The following CUL5 variants were observed in gnomAD, a reference collection of about 807,000 sequenced individuals.
CUL5 encodes cullin 5.
Under a neutral mutation model 108.8 loss-of-function variants are expected in CUL5, and 26 were observed. The observed-to-expected ratio is 0.24, with a 90% CI of 0.18 to 0.33. The LOEUF (loss-of-function observed/expected upper bound fraction) is 0.33, where lower values mean the gene tolerates loss of function less well. CUL5 is among the 10% of genes least tolerant of loss of function. The pLI is 1.00. For synonymous variants in CUL5, 334 were observed against 298.0 expected (o/e 1.12, Z -1.25); for missense variants, 524 against 909.2 (o/e 0.58, Z 5.45).
At chr11:108,030,951 C>G (rs1357554263) in intron 1 of CUL5, among the ~76,000 whole-genome samples, 1 of 152,116 alleles carries the variant, frequency 6.6e-6, no homozygotes, top group African/African-American at 2.4e-5. Flanking sequence ...AGGTTGTTGT[C>G]AGATCATATG....
intron 9 of CUL5, 93 bp downstream of exon 9, chr11:108,072,555 G>T: frequency 1.9e-6 from 2 of 1,067,590 alleles, no homozygotes; most frequent in Non-Finnish European, 2.7e-6. Flanking sequence ...ACCAGAGGCT[G>T]GGGGTTGGGG....
intron 1 of CUL5, among the ~76,000 whole-genome samples, chr11:108,032,147 T>C (rs1271083633): frequency 6.6e-6 from 1 of 152,222 alleles, no homozygotes; most frequent in Non-Finnish European, 1.5e-5. Context: ...CTGCACATCC[T>C]ACACATGTAC....
intron 7 of CUL5, among the ~76,000 whole-genome samples, chr11:108,064,883 C>T (rs1358839101): frequency 6.6e-6 from 1 of 152,098 alleles, no homozygotes; most frequent in Non-Finnish European, 1.5e-5. Flanking sequence ...GAAGTATTCC[C>T]TCCTCCTCTA....
chr11:108,083,868 G>T (rs1423902835), intron 11 of CUL5, among the ~76,000 whole-genome samples: 1 of 152,184 alleles, frequency 6.6e-6, no homozygotes, highest in African/African-American at 2.4e-5. Context: ...TGTGGAGGAG[G>T]TGATGTTCTA....
chr11:108,019,209 T>TGGGGGG (rs1406460526), intron 1 of CUL5, among the ~76,000 whole-genome samples: 1 of 10,200 alleles, frequency 9.8e-5, no homozygotes, highest in African/African-American at 3.9e-4. Flanking sequence ...GGGGTGGGGG[T>TGGGGGG]GGGGTGGGGT....
intron 7 of CUL5, among the ~76,000 whole-genome samples, chr11:108,060,626 A>C (rs112502904): frequency 0.02 from 3,103 of 152,280 alleles, 117 homozygotes; most frequent in African/African-American, 0.07. Flanking sequence ...ACCTGAGGTC[A>C]GGAGTTCAAG....
At chr11:108,053,145 A>G (rs1002097787) in intron 5 of CUL5, among the ~76,000 whole-genome samples, 10 of 152,190 alleles carry the variant, frequency 6.6e-5, no homozygotes, top group African/African-American at 2.4e-4. Flanking sequence ...TTCCATGAAA[A>G]GGAGAGCATG....
intron 11 of CUL5, among the ~76,000 whole-genome samples, chr11:108,081,862 T>C (rs1178162742): frequency 6.6e-6 from 1 of 152,262 alleles, no homozygotes; most frequent in East Asian, 1.9e-4. Flanking sequence ...TGTGATTTAC[T>C]GTAGCCTTGC....
At position 108,107,414 on chromosome 11, in the gene CUL5, G is replaced by C. The variant is rs936938516; in HGVS notation, c.*3030G>C. On this transcript the variant is annotated 3_prime_UTR_variant, in exon 19 of 19. Coordinates refer to ENST00000393094, the MANE Select transcript of CUL5 (RefSeq NM_003478.6). ...GATTTGCTATCTTAAACTCAAGCTG[G>C]TTTTTCTGTTCTCATGTAAGTGACT... 1.3e-5 allele frequency: 2 copies of C among 152,554 alleles called. No homozygotes were observed. Among genetic ancestry groups the C allele is most frequent in the African/African-American group, 4.8e-5 (2 of 41,424 alleles). 9.5% of individuals were successfully genotyped at this position (152,554 alleles called of 1,614,324 possible). A position where few individuals can be genotyped will look rare whatever the true frequency, so the allele number is the denominator to read the frequency against.
chr11:108,070,494 T>C (rs1239270388), intron 8 of CUL5, among the ~76,000 whole-genome samples: 3 of 152,180 alleles, frequency 2.0e-5, no homozygotes, highest in Non-Finnish European at 4.4e-5. Flanking sequence ...TGGAAACATA[T>C]GTTATAGATT....
intron 13 of CUL5, among the ~76,000 whole-genome samples, chr11:108,091,293 C>T (rs7106930): frequency 0.2 from 29,846 of 151,720 alleles, 3,076 homozygotes; most frequent in Non-Finnish European, 0.22. Flanking sequence ...TTAAGTGATC[C>T]GCCTGCCTCG....
chr11:108,042,036 G>A (rs1448158012), intron 2 of CUL5, among the ~76,000 whole-genome samples: 2 of 152,066 alleles, frequency 1.3e-5, no homozygotes, highest in African/African-American at 2.4e-5. Context: ...GGAGGGAAAC[G>A]TCCACATTAG....
At chr11:108,064,843 G>A (rs1863633946) in intron 7 of CUL5, among the ~76,000 whole-genome samples, 1 of 152,002 alleles carries the variant, frequency 6.6e-6, no homozygotes, top group African/African-American at 2.4e-5. Context: ...TTTGGTATTA[G>A]GGCAATACTG....
At chr11:108,020,756 G>A (rs1033502738) in intron 1 of CUL5, among the ~76,000 whole-genome samples, 1 of 152,116 alleles carries the variant, frequency 6.6e-6, no homozygotes, top group Non-Finnish European at 1.5e-5. Flanking sequence ...GGTTTTTAAA[G>A]TAAAAAAGTT....
intron 7 of CUL5, among the ~76,000 whole-genome samples, chr11:108,069,366 T>A (rs1863766692): frequency 6.6e-6 from 1 of 152,172 alleles, no homozygotes; most frequent in Non-Finnish European, 1.5e-5. Context: ...GGTTGCAGCC[T>A]ATCTTTCTAG....
chr11:108,103,584 G>A (rs1864722237), intron 18 of CUL5, among the ~76,000 whole-genome samples: 1 of 152,024 alleles, frequency 6.6e-6, no homozygotes, highest in Admixed American at 6.6e-5. Flanking sequence ...CTGAATACAA[G>A]GGAAAAATTT....
chr11:108,061,336 C>G (rs1471358863), intron 7 of CUL5, among the ~76,000 whole-genome samples: 3 of 152,128 alleles, frequency 2.0e-5, no homozygotes, highest in African/African-American at 7.2e-5. Context: ...TCTCTTAGGA[C>G]AAGACTCATT....
At chr11:108,009,721 T>C (rs1862014537) in intron 1 of CUL5, among the ~76,000 whole-genome samples, 1 of 152,186 alleles carries the variant, frequency 6.6e-6, no homozygotes, top group African/African-American at 2.4e-5. Context: ...CAGTTTCTTG[T>C]AAAGCAATGT....
At chr11:108,080,045 G>A (rs1273854262) in intron 11 of CUL5, among the ~76,000 whole-genome samples, 1 of 150,684 alleles carries the variant, frequency 6.6e-6, no homozygotes, top group East Asian at 1.9e-4. Flanking sequence ...TGGGATGTAT[G>A]TAGTAGTATC....
Sources: allele counts gnomAD v4.1 joint callset (sites outside exome capture counted in the v4.1 genomes callset), GRCh38; gene constraint gnomAD v4.1.1; transcripts MANE v1.5; gene names NCBI Gene and HGNC (gene_info 2026-07-23, HGNC 2026-07-21).